Variants in ARHGAP6 observed in about 807,000 individuals in gnomAD.
The protein encoded by ARHGAP6 is Rho GTPase activating protein 6.
ARHGAP6 carries 16 observed loss-of-function variants against 55.7 expected under a neutral mutation model. The ratio of observed to expected loss-of-function variants is 0.29; its 90% CI spans 0.19 to 0.44. The LOEUF (loss-of-function observed/expected upper bound fraction) is 0.44. Ranked by LOEUF, ARHGAP6 falls within the 20% of genes least tolerant of loss-of-function variation. The pLI, the probability that ARHGAP6 is intolerant of heterozygous loss-of-function variation, is 1.00. For missense variants in ARHGAP6, 698 were observed against 808.9 expected, an observed-to-expected ratio of 0.86 and a Z score of 1.66; for synonymous variants, 382 against 360.9, an observed-to-expected ratio of 1.06 and a Z score of -0.66.
intron 2 of ARHGAP6, among the ~76,000 whole-genome samples, chrX:11,197,803 G>A (rs2046561053): frequency 8.9e-6 from 1 of 112,014 alleles, no homozygotes; most frequent in South Asian, 3.7e-4. Flanking sequence ...TCAGTGGGCA[G>A]CTGCAATCAA....
chrX:11,252,757 T>C (rs1363968947), intron 2 of ARHGAP6, among the ~76,000 whole-genome samples: 1 of 112,102 alleles, frequency 8.9e-6, no homozygotes, highest in Admixed American at 9.4e-5. Context: ...TGTCTATCTC[T>C]CTCTTCTGAA....
chrX:11,227,793 C>CTTTTTT (rs199899751), intron 2 of ARHGAP6, among the ~76,000 whole-genome samples: 2 of 108,206 alleles, frequency 1.8e-5, no homozygotes, highest in African/African-American at 6.8e-5. Context: ...CTTTCTTTTT[C>CTTTTTT]TTTTTTCTTT....
intron 1 of ARHGAP6, among the ~76,000 whole-genome samples, chrX:11,281,565 T>C (rs1476007291): frequency 9.0e-6 from 1 of 111,296 alleles, no homozygotes; most frequent in African/African-American, 3.3e-5. Flanking sequence ...TGGGCAGTCA[T>C]GAAAAAAAGT....
rs1260392486 is a variant in ARHGAP6 at position 11,139,228 on chromosome X, G to C, written c.2560C>G (p.Leu854Val). 2 of 1,200,284 alleles carry C rather than the reference G, an allele frequency of 1.7e-6. No homozygotes were observed. The highest frequency in any genetic ancestry group is 6.0e-5 in the East Asian group (2 of 33,261). Reference sequence around the variant, plus strand: ...CGGCTCTGCAGCCCGGCCACATCCAGCTCACTCTCGCTGAGGTCGTGGGCG... The same window carrying C: ...CGGCTCTGCAGCCCGGCCACATCCACCTCACTCTCGCTGAGGTCGTGGGCG... ...SGAHDLSESELDVAGLQSRAT... is the reference protein window; with the variant it reads ...SGAHDLSESEVDVAGLQSRAT... The change falls in exon 13 of 13, where the codon CTG (leucine) becomes GTG (valine). Residue 854 changes from leucine (L) to valine (V), a missense_variant. Physicochemically the swap from Leu to Val is conservative, Grantham distance 32 (BLOSUM62 1). Around this residue, in one of 3 missense-constraint regions of ARHGAP6, gnomAD observed 212 missense variants for 208.7 expected, o/e 1.02. Coordinates refer to ENST00000337414, the MANE Select transcript of ARHGAP6 (RefSeq NM_013427.3).
intron 1 of ARHGAP6, among the ~76,000 whole-genome samples, chrX:11,522,686 G>A (rs1244209364): frequency 9.0e-6 from 1 of 111,365 alleles, no homozygotes; most frequent in African/African-American, 3.3e-5. Flanking sequence ...ACTAATCCAT[G>A]AGAAGTTGAA....
At chrX:11,302,156 G>A (rs375469173) in intron 1 of ARHGAP6, among the ~76,000 whole-genome samples, 11 of 111,976 alleles carry the variant, frequency 9.8e-5, no homozygotes, top group Non-Finnish European at 1.7e-4. Context: ...CAATTCCTCC[G>A]TCATAGTAGA....
intron 1 of ARHGAP6, among the ~76,000 whole-genome samples, chrX:11,330,560 C>T (rs927831052): frequency 9.9e-5 from 11 of 111,210 alleles, no homozygotes; most frequent in Non-Finnish European, 1.9e-4. Context: ...GTCTTGAAAA[C>T]CAGATAAACA....
chrX:11,521,873 C>T (rs1443572939), intron 1 of ARHGAP6, among the ~76,000 whole-genome samples: 1 of 111,392 alleles, frequency 9.0e-6, no homozygotes, highest in African/African-American at 3.3e-5. Flanking sequence ...AGGTCCTTCA[C>T]GTCCCTTGTA....
intron 1 of ARHGAP6, among the ~76,000 whole-genome samples, chrX:11,354,295 TTCTC>T (rs1206233633): frequency 0.028 from 1,152 of 40,912 alleles, 16 homozygotes; most frequent in East Asian, 0.075. Flanking sequence ...CTCTCTCTCT[TTCTC>T]TCTCTCTCTC....
intron 1 of ARHGAP6, among the ~76,000 whole-genome samples, chrX:11,256,740 A>G (rs2047499250): frequency 8.9e-6 from 1 of 112,177 alleles, no homozygotes; most frequent in African/African-American, 3.2e-5. Context: ...CAGCCAGGAA[A>G]GACCTCACTG....
intron 1 of ARHGAP6, among the ~76,000 whole-genome samples, chrX:11,281,344 C>A (rs1050093532): frequency 1.8e-5 from 2 of 111,067 alleles, no homozygotes; most frequent in Non-Finnish European, 3.8e-5. Context: ...GGTGTGTTCA[C>A]TTTGCAGAAA....
At chrX:11,325,102 C>G (rs1436780503) in intron 1 of ARHGAP6, among the ~76,000 whole-genome samples, 1 of 112,213 alleles carries the variant, frequency 8.9e-6, no homozygotes, top group Admixed American at 9.4e-5. Flanking sequence ...TCATGATCCA[C>G]CCGCCTCGGC....
At chrX:11,285,540 T>C (rs2047911955) in intron 1 of ARHGAP6, among the ~76,000 whole-genome samples, 1 of 112,087 alleles carries the variant, frequency 8.9e-6, no homozygotes, top group African/African-American at 3.2e-5. Context: ...AACTTGCATC[T>C]GATAACAATG....
chrX:11,591,693 G>A (rs2051836969), intron 1 of ARHGAP6, among the ~76,000 whole-genome samples: 1 of 112,025 alleles, frequency 8.9e-6, no homozygotes, highest in African/African-American at 3.2e-5. Context: ...AGGGGCTAGG[G>A]TGGAGGAAAA....
chrX:11,464,893 C>T (rs1365341895), intron 1 of ARHGAP6, among the ~76,000 whole-genome samples: 1 of 112,149 alleles, frequency 8.9e-6, no homozygotes, highest in Non-Finnish European at 1.9e-5. Flanking sequence ...AGTGAGCTGG[C>T]TTCCCCATCT....
At chrX:11,504,569 C>T (rs1193631100) in intron 1 of ARHGAP6, among the ~76,000 whole-genome samples, 1 of 111,910 alleles carries the variant, frequency 8.9e-6, no homozygotes, top group East Asian at 2.8e-4. Flanking sequence ...ACTTGTTCAC[C>T]AAAAAGCTAT....
At chrX:11,390,493 C>T (rs1356635084) in intron 1 of ARHGAP6, among the ~76,000 whole-genome samples, 1 of 111,061 alleles carries the variant, frequency 9.0e-6, no homozygotes, top group African/African-American at 3.3e-5. Flanking sequence ...AGCTTCTGCA[C>T]AGCAAAAGAA....
chrX:11,446,488 T>C (rs773283349), intron 1 of ARHGAP6, among the ~76,000 whole-genome samples: 9 of 111,820 alleles, frequency 8.0e-5, no homozygotes, highest in Non-Finnish European at 1.5e-4. Context: ...GATGCCCTCC[T>C]CAGATAAATT....
At chrX:11,358,325 A>C (rs2048958348) in intron 1 of ARHGAP6, among the ~76,000 whole-genome samples, 1 of 111,867 alleles carries the variant, frequency 8.9e-6, no homozygotes, top group Non-Finnish European at 1.9e-5. Context: ...CACTGCTCTG[A>C]ACATTCATGT....
Sources: gnomAD v4.1 joint callset for allele counts (sites outside exome capture counted in the v4.1 genomes callset) on GRCh38, gnomAD v4.1.1 for gene constraint, gnomAD v4.1.1 regional missense constraint, MANE v1.5 for transcripts, NCBI Gene and HGNC (gene_info 2026-07-23, HGNC 2026-07-21) for gene names.